Variants in EPM2A observed in about 807,000 individuals in gnomAD.
EPM2A encodes EPM2A glucan phosphatase, laforin.
Under a neutral mutation model 26.5 loss-of-function variants are expected in EPM2A, and 21 were observed. That is an observed-to-expected ratio of 0.79 (90% confidence interval 0.56 to 1.14). EPM2A has a LOEUF of 1.14. Among genes scored for constraint, EPM2A ranks in the 50% most tolerant of loss-of-function variants. The probability of loss-of-function intolerance (pLI) is 0.00; values close to 1 mark genes in which losing one functional copy is unlikely to be tolerated. For synonymous variants in EPM2A, 217 were observed against 177.6 expected (o/e 1.22, Z -1.76); for missense variants, 458 against 440.8 (o/e 1.04, Z -0.35).
In EPM2A at chr6:145,686,115, T is replaced by C. The variant is rs756197281; in HGVS notation, c.476+7A>G. ...TTCTATGCCTATAAATATAGCACTA[T>C]TTTTACCTTGAATAATGCATGGCTT... On this transcript the variant is annotated splice_region_variant and intron_variant, in intron 2 of 3. Coordinates refer to ENST00000367519, the MANE Select transcript of EPM2A (RefSeq NM_005670.4). The C allele has an allele frequency of 6.8e-6, 11 of 1,611,930 alleles. No homozygotes were observed. The African/African-American group carries it at 1.2e-4, about 18-fold the overall frequency.
chr6:145,604,772 G>A (rs1357140342), intron 2 of EPM2A, among the ~76,000 whole-genome samples: 2 of 152,136 alleles, frequency 1.3e-5, no homozygotes, highest in Non-Finnish European at 2.9e-5. Flanking sequence ...AATCTGAGGG[G>A]AGAATGGGTA....
At chr6:145,509,357 C>A (rs569273060) in intron 2 of EPM2A, among the ~76,000 whole-genome samples, 1 of 152,198 alleles carries the variant, frequency 6.6e-6, no homozygotes, top group South Asian at 2.1e-4. Flanking sequence ...CCATATTATC[C>A]TTAAAGGGGA....
chr6:145,707,698 G>A (rs1265131968), intron 1 of EPM2A, among the ~76,000 whole-genome samples: 5 of 152,172 alleles, frequency 3.3e-5, no homozygotes, highest in African/African-American at 4.8e-5. Context: ...TCAGCCATGC[G>A]GAACTGTGAG....
At chr6:145,711,599 G>C (rs963961365) in intron 1 of EPM2A, among the ~76,000 whole-genome samples, 1 of 152,132 alleles carries the variant, frequency 6.6e-6, no homozygotes, top group African/African-American at 2.4e-5. Flanking sequence ...CTTGAGATAA[G>C]AAATGATGTC....
chr6:145,488,629 T>C (rs545731636), intron 4 of EPM2A, among the ~76,000 whole-genome samples: 5 of 152,182 alleles, frequency 3.3e-5, no homozygotes, highest in East Asian at 1.9e-4. Flanking sequence ...CTCTTATTTA[T>C]ATGGCTTTAA....
At chr6:145,689,694 T>C (rs1214638864) in intron 1 of EPM2A, among the ~76,000 whole-genome samples, 3 of 152,176 alleles carry the variant, frequency 2.0e-5, no homozygotes, top group Non-Finnish European at 4.4e-5. Context: ...ACTGAAAAAA[T>C]GTGGCCCCAC....
intron 2 of EPM2A, chr6:145,680,056 A>G (rs1331618438): frequency 6.6e-6 from 1 of 152,160 alleles, no homozygotes; most frequent in African/African-American, 2.4e-5. Flanking sequence ...AAACAGTAGT[A>G]ATATAATCAT....
At chr6:145,672,831 AG>A (rs1376823351) in intron 2 of EPM2A, among the ~76,000 whole-genome samples, 1 of 152,222 alleles carries the variant, frequency 6.6e-6, no homozygotes, top group African/African-American at 2.4e-5. Context: ...AGTTTGGCAA[AG>A]CCTTGTCTAG....
chr6:145,476,248 A>C (rs181871644), intron 4 of EPM2A, among the ~76,000 whole-genome samples: 303 of 152,240 alleles, frequency 2.0e-3, no homozygotes, highest in Non-Finnish European at 3.7e-3. Context: ...TTAAATATAT[A>C]TGCACCCAAC....
At chr6:145,458,681 C>T (rs1779292641) in intron 4 of EPM2A, among the ~76,000 whole-genome samples, 1 of 152,070 alleles carries the variant, frequency 6.6e-6, no homozygotes, top group African/African-American at 2.4e-5. Context: ...TATCCATTGA[C>T]CTGTCCAACC....
intron 2 of EPM2A, among the ~76,000 whole-genome samples, chr6:145,586,594 A>G (rs984004673): frequency 6.6e-6 from 1 of 152,204 alleles, no homozygotes; most frequent in African/African-American, 2.4e-5. Context: ...AGAAAAGAGC[A>G]GTGAATACCA....
At chr6:145,673,448 G>A (rs1242881708) in intron 2 of EPM2A, among the ~76,000 whole-genome samples, 1 of 152,210 alleles carries the variant, frequency 6.6e-6, no homozygotes, top group African/African-American at 2.4e-5. Context: ...AGCCCACGGA[G>A]GGTGAGCCAA....
At chr6:145,727,877 G>A (rs768061634) in intron 1 of EPM2A, among the ~76,000 whole-genome samples, 6 of 152,232 alleles carry the variant, frequency 3.9e-5, no homozygotes, top group African/African-American at 1.2e-4. Flanking sequence ...TCTCATCTCC[G>A]AACAGTAATC....
At chr6:145,720,497 A>C (rs1775897447) in intron 1 of EPM2A, among the ~76,000 whole-genome samples, 1 of 152,186 alleles carries the variant, frequency 6.6e-6, no homozygotes, top group Admixed American at 6.5e-5. Flanking sequence ...TCAGAAGTCC[A>C]TGGGTGAAAT....
rs1044204451 is a variant in EPM2A at position 145,491,810 on chromosome 6, T to A, written c.555+10712A>T. The A allele has an allele frequency of 5.6e-6, 3 of 531,854 alleles. No homozygotes were observed. The African/African-American group carries it at 5.8e-5, about 10-fold the overall frequency. 32.9% of individuals were successfully genotyped at this position (531,854 alleles called of 1,614,324 possible). A position where few individuals can be genotyped will look rare whatever the true frequency, so the allele number is the denominator to read the frequency against. On this transcript the variant is annotated intron_variant, in intron 4 of 4. Coordinates refer to the EPM2A transcript ENST00000638717. ...ATCATTGGCTTCTTCTTCTCCTGTATCAATTATTTTGCTGTATATGTGAAC... is the reference window on the plus strand; with the variant it reads ...ATCATTGGCTTCTTCTTCTCCTGTAACAATTATTTTGCTGTATATGTGAAC...
At chr6:145,481,641 C>G (rs1226418336) in intron 4 of EPM2A, among the ~76,000 whole-genome samples, 1 of 152,108 alleles carries the variant, frequency 6.6e-6, no homozygotes, top group African/African-American at 2.4e-5. Flanking sequence ...AGGAGAGACC[C>G]TGACCCAGAA....
chr6:145,414,834 C>A (rs906638560), intron 4 of EPM2A, among the ~76,000 whole-genome samples: 1 of 152,154 alleles, frequency 6.6e-6, no homozygotes, highest in African/African-American at 2.4e-5. Flanking sequence ...CTCTGTCTAC[C>A]CACTAGCTGC....
intron 4 of EPM2A, among the ~76,000 whole-genome samples, chr6:145,426,668 T>G (rs1778858079): frequency 6.6e-6 from 1 of 152,212 alleles, no homozygotes; most frequent in South Asian, 2.1e-4. Flanking sequence ...TCAAGTTCTT[T>G]TACACTGGAG....
At chr6:145,480,048 C>T (rs1480579388) in intron 4 of EPM2A, among the ~76,000 whole-genome samples, 1 of 151,982 alleles carries the variant, frequency 6.6e-6, no homozygotes, top group African/African-American at 2.4e-5. Flanking sequence ...ATAAGCCATT[C>T]ATATATCTTC....
Sources: gnomAD v4.1 joint callset for allele counts (sites outside exome capture counted in the v4.1 genomes callset) on GRCh38, gnomAD v4.1.1 for gene constraint, MANE v1.5 for transcripts, NCBI Gene and HGNC (gene_info 2026-07-23, HGNC 2026-07-21) for gene names.